CDC42BPA: variants seen among roughly 807,000 people sequenced by gnomAD.
CDC42BPA encodes CDC42 binding protein kinase alpha.
A neutral mutation model predicts 223.5 loss-of-function variants in CDC42BPA; 80 were observed. That is an observed-to-expected ratio of 0.36 (90% confidence interval 0.30 to 0.43). The LOEUF (loss-of-function observed/expected upper bound fraction) is 0.43, where lower values mean the gene tolerates loss of function less well. CDC42BPA is among the 20% of genes least tolerant of loss of function. The probability of loss-of-function intolerance (pLI) is 1.00; values close to 1 mark genes in which losing one functional copy is unlikely to be tolerated. For missense variants in CDC42BPA, 1,743 were observed against 2,099.9 expected, an observed-to-expected ratio of 0.83 and a Z score of 3.32; for synonymous variants, 694 against 718.6, an observed-to-expected ratio of 0.97 and a Z score of 0.55.
At chr1:227,001,790 C>T (rs1307925878) in intron 35 of CDC42BPA, among the ~76,000 whole-genome samples, 4 of 152,170 alleles carry the variant, frequency 2.6e-5, no homozygotes, top group African/African-American at 9.6e-5. Flanking sequence ...ACCTGTAGTC[C>T]CAGCTACTCG....
intron 14 of CDC42BPA, among the ~76,000 whole-genome samples, chr1:227,103,977 T>A (rs1168128528): frequency 6.6e-6 from 1 of 151,900 alleles, no homozygotes; most frequent in Non-Finnish European, 1.5e-5. Context: ...AGAAACAAGA[T>A]CAAAATTAAG....
intron 23 of CDC42BPA, among the ~76,000 whole-genome samples, chr1:227,046,924 G>A: frequency 6.6e-6 from 1 of 151,990 alleles, no homozygotes; most frequent in East Asian, 1.9e-4. Context: ...CTGTTACTAT[G>A]AAAAAATCTG....
intron 5 of CDC42BPA, among the ~76,000 whole-genome samples, chr1:227,171,297 T>C (rs1275623562): frequency 6.6e-6 from 1 of 152,246 alleles, no homozygotes; most frequent in Non-Finnish European, 1.5e-5. Flanking sequence ...TTTTATGATT[T>C]TAGTTTTAAA....
rs1432655595 is a variant in CDC42BPA, at chr1:227,203,950, C to T, written c.355-4298G>A. 2.0e-5 allele frequency among the ~76,000 whole-genome samples: 3 copies of T among 152,170 alleles called. No homozygotes were observed. The East Asian group carries it at 5.8e-4, about 29-fold the overall frequency. Reference sequence around the variant, plus strand: ...CACTCATCAGACTAACAAGCTTATACTGCTCATCAAAATTGCACAGATACT... The same window carrying T: ...CACTCATCAGACTAACAAGCTTATATTGCTCATCAAAATTGCACAGATACT... On this transcript the variant is annotated intron_variant, in intron 3 of 36. Transcript: ENST00000366766.
At chr1:227,297,967 T>TATACAC (rs369403944) in intron 1 of CDC42BPA, among the ~76,000 whole-genome samples, 7,035 of 131,892 alleles carry the variant, frequency 0.053, 210 homozygotes, top group Non-Finnish European at 0.075. Flanking sequence ...TATATACATA[T>TATACAC]ACACACACAC....
intron 25 of CDC42BPA, among the ~76,000 whole-genome samples, chr1:227,035,209 G>A (rs965219306): frequency 6.6e-6 from 1 of 152,140 alleles, no homozygotes; most frequent in Non-Finnish European, 1.5e-5. Context: ...TCTTGCAAGA[G>A]CAGGGGCCAC....
intron 14 of CDC42BPA, among the ~76,000 whole-genome samples, chr1:227,110,666 A>C (rs1021202464): frequency 6.6e-6 from 1 of 152,200 alleles, no homozygotes; most frequent in Non-Finnish European, 1.5e-5. Context: ...ATAGTGCTGG[A>C]AACAAAGCAG....
intron 1 of CDC42BPA, among the ~76,000 whole-genome samples, chr1:227,304,593 C>G (rs549409135): frequency 6.6e-6 from 1 of 152,286 alleles, no homozygotes; most frequent in South Asian, 2.1e-4. Flanking sequence ...AGAGCTACTG[C>G]TTCTAGCCCT....
At chr1:227,120,446 C>A (rs1307365991) in intron 11 of CDC42BPA, among the ~76,000 whole-genome samples, 2 of 152,128 alleles carry the variant, frequency 1.3e-5, no homozygotes, top group Admixed American at 6.5e-5. Context: ...TGATCTAAAT[C>A]AATTCTCCTA....
chr1:227,177,050 T>C (rs190590875), intron 5 of CDC42BPA, among the ~76,000 whole-genome samples: 65 of 151,626 alleles, frequency 4.3e-4, no homozygotes, highest in Non-Finnish European at 7.4e-4. Context: ...ATCTCATAGC[T>C]GTCATATACA....
chr1:227,042,183 TCTTCTA>T (rs1671499789), intron 23 of CDC42BPA, among the ~76,000 whole-genome samples: 1 of 152,214 alleles, frequency 6.6e-6, no homozygotes, highest in Admixed American at 6.5e-5. Context: ...ATGTTTTTCT[TCTTCTA>T]AACAGTAACA....
At chr1:227,045,263 G>C (rs1400104434) in intron 23 of CDC42BPA, among the ~76,000 whole-genome samples, 1 of 152,152 alleles carries the variant, frequency 6.6e-6, no homozygotes, top group Admixed American at 6.5e-5. Context: ...ATTTGACAGG[G>C]AATCAAAAAT....
intron 6 of CDC42BPA, among the ~76,000 whole-genome samples, chr1:227,152,487 C>T (rs1245683104): frequency 6.6e-6 from 1 of 152,046 alleles, no homozygotes; most frequent in Admixed American, 6.6e-5. Context: ...AACCGATAAA[C>T]TCTAGACAGC....
chr1:227,162,351 C>G (rs1226107854), intron 5 of CDC42BPA, among the ~76,000 whole-genome samples: 1 of 152,100 alleles, frequency 6.6e-6, no homozygotes, highest in South Asian at 2.1e-4. Flanking sequence ...TGATCTCATC[C>G]TCTCCCTCCA....
In CDC42BPA at chr1:227,005,126, G is replaced by A. The variant is rs770548217; in HGVS notation, c.4858-15C>T. ...GGCCGAGGGTTCTATAAACAAAAGCGAGAGAGACATCCTTTAGCCAGAAAG... is the reference window on the plus strand; with the variant it reads ...GGCCGAGGGTTCTATAAACAAAAGCAAGAGAGACATCCTTTAGCCAGAAAG... On this transcript the variant is annotated splice_polypyrimidine_tract_variant and intron_variant, in intron 34 of 36. Transcript: ENST00000366766. The A allele has an allele frequency of 9.7e-6, 15 of 1,540,212 alleles. No homozygotes were observed. Among genetic ancestry groups the A allele is most frequent in the South Asian group, 1.1e-5 (1 of 89,660 alleles).
chr1:227,205,283 A>AATAT (rs71180715), intron 3 of CDC42BPA, among the ~76,000 whole-genome samples: 13 of 122,768 alleles, frequency 1.1e-4, no homozygotes, highest in East Asian at 6.8e-4. Context: ...AAAAAAAAAA[A>AATAT]ATATATATAT....
At chr1:227,264,206 A>G (rs1404688422) in intron 1 of CDC42BPA, among the ~76,000 whole-genome samples, 1 of 152,228 alleles carries the variant, frequency 6.6e-6, no homozygotes, top group Non-Finnish European at 1.5e-5. Flanking sequence ...GTTATTTCAC[A>G]GGCAATTTTA....
At chr1:227,176,830 T>C (rs1355817) in intron 5 of CDC42BPA, among the ~76,000 whole-genome samples, 128,045 of 152,056 alleles carry the variant, frequency 0.84, 54,207 homozygotes, top group Middle Eastern at 0.91. Context: ...TTTGTACATG[T>C]CTTTTATACC....
Position 227,053,384 on chromosome 1 carries a change from G to T in CDC42BPA, c.2905-1399C>A, listed in dbSNP as rs191963342. 4.6e-3 allele frequency among the ~76,000 whole-genome samples: 695 copies of T among 152,272 alleles called. 4 individuals carry two copies. Among genetic ancestry groups the T allele is most frequent in the African/African-American group, 0.016 (667 of 41,544 alleles). ...GCCACCACCAGGCCATAAACTTTCAGCTACTGGATTTGGGAGGAGTAGGGA... is the reference window on the plus strand; with the variant it reads ...GCCACCACCAGGCCATAAACTTTCATCTACTGGATTTGGGAGGAGTAGGGA... On this transcript the variant is annotated intron_variant, in intron 21 of 36. Transcript: ENST00000366766.
Sources: allele counts gnomAD v4.1 joint callset (sites outside exome capture counted in the v4.1 genomes callset), GRCh38; gene constraint gnomAD v4.1.1; transcripts MANE v1.5; gene names NCBI Gene and HGNC (gene_info 2026-07-23, HGNC 2026-07-21).